Variants in FXYD7 observed in about 807,000 individuals in gnomAD.
FXYD7 encodes the protein FXYD domain-containing ion transport regulator 7.
FXYD7 carries 7 observed loss-of-function variants against 15.3 expected under a neutral mutation model. The observed-to-expected ratio is 0.46, with a 90% CI of 0.26 to 0.86. The LOEUF (loss-of-function observed/expected upper bound fraction) is 0.86. FXYD7 is among the 40% of genes least tolerant of loss of function. The pLI is 0.16. For missense variants in FXYD7, 78 were observed against 100.6 expected, an observed-to-expected ratio of 0.78 and a Z score of 0.96; for synonymous variants, 39 against 39.3, an observed-to-expected ratio of 0.99 and a Z score of 0.03.
intron 1 of FXYD7, among the ~76,000 whole-genome samples, chr19:35,145,588 T>C (rs2065286492): frequency 6.6e-6 from 1 of 152,174 alleles, no homozygotes; most frequent in Non-Finnish European, 1.5e-5. Flanking sequence ...TTCATAAATG[T>C]CAGGATGAAC....
In FXYD7 at chr19:35,149,187, T is replaced by C. The variant is rs2065301117; in HGVS notation, c.61+464T>C. ...GACTGGTGGCATTAAATCTCCTCCA[T>C]GGCACTGAAGCTCAAATAAGCTACC... is the stretch of plus-strand genomic sequence containing the variant. On this transcript the variant is annotated intron_variant, in intron 2 of 5. Transcript: ENST00000270310. 2 of 380,702 alleles carry C rather than the reference T, an allele frequency of 5.3e-6. 1 individual carries two copies. The highest frequency in any genetic ancestry group is 6.0e-5 in the Admixed American group (2 of 33,218). 23.6% of individuals were successfully genotyped at this position (380,702 alleles called of 1,614,324 possible). A position where few individuals can be genotyped will look rare whatever the true frequency, so the allele number is the denominator to read the frequency against.
chr19:35,145,117 G>A (rs920991067), intron 1 of FXYD7, among the ~76,000 whole-genome samples: 1 of 152,102 alleles, frequency 6.6e-6, no homozygotes, highest in Non-Finnish European at 1.5e-5. Flanking sequence ...GCAAAAGGAG[G>A]GGAGAGGGTC....
At chr19:35,147,048 G>T (rs1468384531) in intron 1 of FXYD7, among the ~76,000 whole-genome samples, 1 of 152,202 alleles carries the variant, frequency 6.6e-6, no homozygotes. Context: ...CCAGGTTCAC[G>T]TATACGTCCA....
chr19:35,148,019 GAAAGAAGGAAAGAAAGAAA>G (rs2065294658), intron 1 of FXYD7, among the ~76,000 whole-genome samples: 4 of 88,998 alleles, frequency 4.5e-5, no homozygotes, highest in African/African-American at 4.6e-5. Flanking sequence ...AAAGAAAGAA[GAAAGAAGGAAAGAAAGAAA>G]GAAAGAAAGA....
In FXYD7 at chr19:35,153,812, C is replaced by G; in HGVS notation, c.221-82C>G. ...CCCTGGGGTCTGGCTTCCATGGTGC[C>G]GGGGAATGGAGAGCCAACGAGCTGT... On this transcript the variant is annotated intron_variant, in intron 5 of 5. Coordinates refer to ENST00000270310, the MANE Select transcript of FXYD7 (RefSeq NM_022006.2). 3.0e-6 allele frequency: 4 copies of G among 1,338,024 alleles called. No homozygotes were observed. The South Asian group carries it at 4.7e-5, about 16-fold the overall frequency. The allele number at this position is 1,338,024 out of a possible 1,614,324, so 82.9% of individuals were successfully genotyped here.
rs533660536 is a variant in FXYD7, at chr19:35,151,020, G to A, written c.62-234G>A. On this transcript the variant is annotated intron_variant, in intron 2 of 5. Coordinates refer to ENST00000270310, the MANE Select transcript of FXYD7 (RefSeq NM_022006.2). ...TATATATATATCCAGGGTGGAAAGCGCAGGGGGAGAGGGCAAGGGAGGAAA... is the reference window on the plus strand; with the variant it reads ...TATATATATATCCAGGGTGGAAAGCACAGGGGGAGAGGGCAAGGGAGGAAA... 3.6e-4 allele frequency among the ~76,000 whole-genome samples: 55 copies of A among 152,110 alleles called. 3 individuals carry two copies. In the South Asian group the frequency reaches 0.01, roughly 29 times the overall value.
intron 2 of FXYD7, chr19:35,149,642 C>A (rs117474815): frequency 6.5e-6 from 1 of 153,504 alleles, no homozygotes; most frequent in Non-Finnish European, 1.5e-5. Flanking sequence ...GGCACAGGCT[C>A]TATTTCTGGC....
chr19:35,153,084 C>G (rs74593464), intron 5 of FXYD7, among the ~76,000 whole-genome samples: 15,528 of 105,304 alleles, frequency 0.15, 1,017 homozygotes, highest in East Asian at 0.25. Flanking sequence ...TTGCTGTGTC[C>G]TCTGTTGCCC....
chr19:35,145,312 C>T (rs1049249015), intron 1 of FXYD7, among the ~76,000 whole-genome samples: 24 of 152,348 alleles, frequency 1.6e-4, no homozygotes, highest in Admixed American at 1.5e-3. Context: ...CTCCTGGCCC[C>T]ACCCTTAGCC....
intron 1 of FXYD7, among the ~76,000 whole-genome samples, chr19:35,146,169 G>T (rs1207511639): frequency 1.3e-5 from 2 of 149,508 alleles, no homozygotes; most frequent in African/African-American, 2.5e-5. Flanking sequence ...ACAGAGTCTC[G>T]CTCTGTCATC....
intron 1 of FXYD7, among the ~76,000 whole-genome samples, chr19:35,144,654 G>T (rs1237532210): frequency 3.3e-4 from 49 of 146,864 alleles, no homozygotes; most frequent in Middle Eastern, 7.0e-3. Context: ...GGGGTGGGGG[G>T]GGCTGCAGAG....
intron 1 of FXYD7, among the ~76,000 whole-genome samples, chr19:35,146,391 A>G (rs1222150415): frequency 6.6e-6 from 1 of 152,138 alleles, no homozygotes. Flanking sequence ...CCCACCTTGT[A>G]TTCCCAAAGT....
chr19:35,153,858 C>T (rs766930898), intron 5 of FXYD7, 36 bp from the exon 6 acceptor site: 3 of 1,610,854 alleles, frequency 1.9e-6, no homozygotes, highest in Non-Finnish European at 2.5e-6. Flanking sequence ...GCAGTTTCCA[C>T]CTTTCTAGTG....
At chr19:35,151,705 A>C in intron 5 of FXYD7, 32 bp downstream of exon 5, 1 of 1,336,804 alleles carries the variant, frequency 7.5e-7, no homozygotes, top group Non-Finnish European at 1.0e-6. Context: ...GTTCTGGGAG[A>C]GTTTTAGGTG....
At chr19:35,151,835 G>A (rs903468468) in intron 5 of FXYD7, among the ~76,000 whole-genome samples, 162 bp downstream of exon 5, 4 of 151,974 alleles carry the variant, frequency 2.6e-5, no homozygotes, top group African/African-American at 9.7e-5. Context: ...AGGAAATTCC[G>A]CAGATGAAAG....
intron 5 of FXYD7, 59 bp downstream of exon 5, chr19:35,151,732 C>T (rs2065311003): frequency 3.1e-6 from 4 of 1,287,260 alleles, no homozygotes; most frequent in African/African-American, 2.9e-5. Context: ...GGAAGGGAAC[C>T]CTCAGAAGGG....
In FXYD7 at chr19:35,154,119, C is replaced by A. The variant is rs1015181166; in HGVS notation, c.*203C>A. The A allele has an allele frequency of 4.5e-5, 25 of 558,964 alleles. No homozygotes were observed. Among genetic ancestry groups the A allele is most frequent in the Admixed American group, 1.0e-4 (3 of 29,152 alleles). The allele number at this position is 558,964 out of a possible 1,614,324, so 34.6% of individuals were successfully genotyped here. A position where few individuals can be genotyped will look rare whatever the true frequency, so the allele number is the denominator to read the frequency against. ...GATCCCCCAAAGAGCCCGTCTGCAC[C>A]CCAGACCCAGGGCCTCAGGCCTCCA... On this transcript the variant is annotated 3_prime_UTR_variant, in exon 6 of 6. Transcript: ENST00000270310.
rs1191668457 is a variant in FXYD7, at chr19:35,154,065, G to T, written c.*149G>T. The T allele has an allele frequency of 3.0e-6, 2 of 676,598 alleles. No homozygotes were observed. The highest frequency in any genetic ancestry group is 1.8e-5 in the African/African-American group (1 of 54,882). 41.9% of individuals were successfully genotyped at this position (676,598 alleles called of 1,614,324 possible). A position where few individuals can be genotyped will look rare whatever the true frequency, so the allele number is the denominator to read the frequency against. ...CCCAAGGCTGGAGCCGCTGCACCCT[G>T]CTGTCCCTCTCCAGGCCTTGGCAAT... On this transcript the variant is annotated 3_prime_UTR_variant, in exon 6 of 6. Transcript: ENST00000270310.
chr19:35,148,555 A>T, intron 1 of FXYD7, 139 bp from the exon 2 acceptor site: 1 of 701,886 alleles, frequency 1.4e-6, no homozygotes, highest in Non-Finnish European at 2.3e-6. Context: ...AGGCCACATC[A>T]TCCAAACCAA....
Sources: gnomAD v4.1 joint callset for allele counts (sites outside exome capture counted in the v4.1 genomes callset) on GRCh38, gnomAD v4.1.1 for gene constraint, MANE v1.5 for transcripts, NCBI Gene and HGNC (gene_info 2026-07-23, HGNC 2026-07-21) for gene names.